Variants in TIAM1 observed in about 807,000 individuals in gnomAD.
TIAM1 encodes the protein TIAM Rac1 associated GEF 1, also known as rho guanine nucleotide exchange factor TIAM1.
Under a neutral mutation model 163.5 loss-of-function variants are expected in TIAM1, and 65 were observed. The ratio of observed to expected loss-of-function variants is 0.40; its 90% CI spans 0.33 to 0.49. The LOEUF is 0.49. TIAM1 is among the 20% of genes least tolerant of loss of function. The pLI is 0.77. For synonymous variants in TIAM1, 833 were observed against 810.1 expected (o/e 1.03, Z -0.48); for missense variants, 1,789 against 2,044.7 (o/e 0.87, Z 2.41).
At chr21:31,195,104 A>C (rs2085779174) in intron 13 of TIAM1, 120 bp downstream of exon 13, 1 of 697,766 alleles carries the variant, frequency 1.4e-6, no homozygotes, top group African/African-American at 1.8e-5. Flanking sequence ...ACAGAGCAGG[A>C]GCCAGATATA....
At chr21:31,442,140 C>A (rs562001318) in intron 2 of TIAM1, among the ~76,000 whole-genome samples, 10 of 139,028 alleles carry the variant, frequency 7.2e-5, no homozygotes, top group Admixed American at 6.8e-4. Context: ...ACTCCAAACA[C>A]AGCAAGGACA....
chr21:31,538,946 C>A (rs111810235), intron 1 of TIAM1, among the ~76,000 whole-genome samples: 1 of 152,202 alleles, frequency 6.6e-6, no homozygotes, highest in African/African-American at 2.4e-5. Context: ...AATGGAAACA[C>A]CACATTTAAA....
chr21:31,198,130 A>G (rs777218400), intron 12 of TIAM1, among the ~76,000 whole-genome samples: 2 of 152,234 alleles, frequency 1.3e-5, no homozygotes, highest in Non-Finnish European at 2.9e-5. Context: ...CGTTAGCACT[A>G]AAGAGAAGTC....
chr21:31,554,719 C>T (rs1352471941), intron 1 of TIAM1, among the ~76,000 whole-genome samples: 1 of 152,142 alleles, frequency 6.6e-6, no homozygotes, highest in Non-Finnish European at 1.5e-5. Flanking sequence ...CCCACCCCCT[C>T]CACCTCTGCA....
chr21:31,524,820 T>C (rs2147503594), intron 1 of TIAM1, among the ~76,000 whole-genome samples: 1 of 152,328 alleles, frequency 6.6e-6, no homozygotes, highest in Non-Finnish European at 1.5e-5. Flanking sequence ...ATGTGATTCA[T>C]CTGCTCTTCC....
intron 13 of TIAM1, 72 bp from the exon 14 acceptor site, chr21:31,187,159 T>C: frequency 7.5e-7 from 1 of 1,335,384 alleles, no homozygotes; most frequent in Non-Finnish European, 1.1e-6. Context: ...AGGAAGTGCC[T>C]GCTGTGAACT....
intron 2 of TIAM1, among the ~76,000 whole-genome samples, chr21:31,396,710 G>A (rs1020179671): frequency 1.1e-4 from 16 of 151,726 alleles, no homozygotes; most frequent in African/African-American, 3.9e-4. Flanking sequence ...AGCACTTTGG[G>A]AGGCCAAGGT....
intron 12 of TIAM1, among the ~76,000 whole-genome samples, chr21:31,200,025 G>A (rs1321628533): frequency 6.6e-6 from 1 of 151,862 alleles, no homozygotes. Flanking sequence ...TCCAGGCTTT[G>A]AACATTCCCT....
intron 2 of TIAM1, among the ~76,000 whole-genome samples, chr21:31,325,607 G>A (rs996592464): frequency 1.7e-4 from 25 of 150,324 alleles, no homozygotes; most frequent in Non-Finnish European, 5.9e-5. Context: ...TGCAGAGGTT[G>A]CAGTGAGCCA....
chr21:31,543,714 A>C (rs1313335493), intron 1 of TIAM1, among the ~76,000 whole-genome samples: 1 of 152,232 alleles, frequency 6.6e-6, no homozygotes, highest in Non-Finnish European at 1.5e-5. Context: ...CCCGAGGAGA[A>C]GTAACTCCTG....
chr21:31,369,231 A>AAAAAAAAAAAAAAGAAAGAAAG (rs1314209679), intron 2 of TIAM1, among the ~76,000 whole-genome samples: 35 of 150,240 alleles, frequency 2.3e-4, no homozygotes, highest in African/African-American at 7.2e-4. Context: ...ATCTCAAAAA[A>AAAAAAAAAAAAAAGAAAGAAAG]AAAGAAAGAA....
chr21:31,383,934 G>A (rs1382127381), intron 2 of TIAM1, among the ~76,000 whole-genome samples: 4 of 152,086 alleles, frequency 2.6e-5, no homozygotes, highest in Non-Finnish European at 5.9e-5. Context: ...TGGGCCAATG[G>A]ACAGGTTTCT....
chr21:31,294,199 T>A (rs2074142952), intron 2 of TIAM1, among the ~76,000 whole-genome samples: 1 of 152,118 alleles, frequency 6.6e-6, no homozygotes, highest in African/African-American at 2.4e-5. Context: ...TTCAACAGCC[T>A]CCCACTCCCT....
chr21:31,531,867 A>G (rs944493801), intron 1 of TIAM1, among the ~76,000 whole-genome samples: 2 of 152,106 alleles, frequency 1.3e-5, no homozygotes, highest in Non-Finnish European at 2.9e-5. Flanking sequence ...TTATAATCCC[A>G]GCACTTTGGG....
At chr21:31,255,455 C>G (rs1264741445) in intron 4 of TIAM1, among the ~76,000 whole-genome samples, 1 of 152,162 alleles carries the variant, frequency 6.6e-6, no homozygotes, top group East Asian at 1.9e-4. Context: ...ACCGCTCTTT[C>G]TTTCCTTCAT....
At chr21:31,229,374 G>A (rs2146653282) in intron 6 of TIAM1, among the ~76,000 whole-genome samples, 1 of 151,974 alleles carries the variant, frequency 6.6e-6, no homozygotes, top group East Asian at 1.9e-4. Flanking sequence ...ATCCTTCCAA[G>A]GTATATTATC....
intron 2 of TIAM1, among the ~76,000 whole-genome samples, chr21:31,392,252 C>T (rs1017064505): frequency 6.6e-6 from 1 of 152,106 alleles, no homozygotes; most frequent in Non-Finnish European, 1.5e-5. Flanking sequence ...TTAAGGTTAA[C>T]TTGGTATTGT....
chr21:31,336,156 G>A (rs1000362181), intron 2 of TIAM1, among the ~76,000 whole-genome samples: 4 of 152,058 alleles, frequency 2.6e-5, no homozygotes, highest in South Asian at 4.1e-4. Context: ...ACTGGGGAGC[G>A]TTCGGCCGGC....
intron 2 of TIAM1, among the ~76,000 whole-genome samples, chr21:31,363,561 A>G (rs1255007593): frequency 6.6e-6 from 1 of 151,952 alleles, no homozygotes; most frequent in African/African-American, 2.4e-5. Context: ...AGCTTCCTCT[A>G]ATGATGTCTT....
Sources: allele counts gnomAD v4.1 joint callset (sites outside exome capture counted in the v4.1 genomes callset), GRCh38; gene constraint gnomAD v4.1.1; transcripts MANE v1.5; gene names NCBI Gene and HGNC (gene_info 2026-07-23, HGNC 2026-07-21).